ARHGAP28: variants seen among roughly 807,000 people sequenced by gnomAD.
The protein encoded by ARHGAP28 is Rho GTPase activating protein 28, also known as rho GTPase-activating protein 28.
In ARHGAP28, 56 loss-of-function variants were observed where a neutral mutation model predicts 90.7. The observed-to-expected ratio is 0.62, with a 90% CI of 0.50 to 0.77. The LOEUF (loss-of-function observed/expected upper bound fraction) is 0.77. ARHGAP28 is among the 30% of genes least tolerant of loss of function. The pLI, the probability that ARHGAP28 is intolerant of heterozygous loss-of-function variation, is 0.00. For synonymous variants in ARHGAP28, 308 were observed against 323.3 expected (o/e 0.95, Z 0.51); for missense variants, 869 against 900.9 (o/e 0.96, Z 0.45).
chr18:6,893,131 C>T (rs764498069), intron 14 of ARHGAP28, among the ~76,000 whole-genome samples: 3 of 152,208 alleles, frequency 2.0e-5, no homozygotes, highest in Non-Finnish European at 4.4e-5. Flanking sequence ...AAACACTTGC[C>T]TGTAAACGTT....
chr18:6,839,727 G>A (rs1380636567), intron 3 of ARHGAP28, among the ~76,000 whole-genome samples: 7 of 152,162 alleles, frequency 4.6e-5, no homozygotes, highest in African/African-American at 1.7e-4. Flanking sequence ...CTAAATCTTC[G>A]AGATTTATTG....
At chr18:6,875,994 A>C (rs1411787544) in intron 9 of ARHGAP28, 137 bp from the exon 10 acceptor site, 5 of 700,686 alleles carry the variant, frequency 7.1e-6, no homozygotes, top group Non-Finnish European at 1.2e-5. Context: ...GGTTATGAAC[A>C]TTTAACACAG....
rs907612191 is a variant in ARHGAP28 at position 6,914,925 on chromosome 18, A to G, written c.*2771A>G. The G allele has an allele frequency of 6.6e-6, 1 of 152,640 alleles. No individual in the cohort carries two copies. The highest frequency in any genetic ancestry group is 2.4e-5 in the African/African-American group (1 of 41,458). The allele number at this position is 152,640 out of a possible 1,614,324, so 9.5% of individuals were successfully genotyped here. A position where few individuals can be genotyped will look rare whatever the true frequency, so the allele number is the denominator to read the frequency against. ...GATCTCTAAACAAACTGGATTATCAACTATTTACAACGTCTATACAGTATA... is the reference window on the plus strand; with the variant it reads ...GATCTCTAAACAAACTGGATTATCAGCTATTTACAACGTCTATACAGTATA... On this transcript the variant is annotated 3_prime_UTR_variant, in exon 18 of 18. Coordinates refer to ENST00000383472, the MANE Select transcript of ARHGAP28 (RefSeq NM_001366230.1).
chr18:6,815,863 T>A (rs553564453), intron 1 of ARHGAP28, among the ~76,000 whole-genome samples: 2 of 152,276 alleles, frequency 1.3e-5, no homozygotes, highest in South Asian at 4.1e-4. Context: ...TACTCAGAGG[T>A]TATCCATAAA....
intron 5 of ARHGAP28, among the ~76,000 whole-genome samples, chr18:6,863,795 T>A (rs2057016540): frequency 6.6e-6 from 1 of 151,578 alleles, no homozygotes; most frequent in African/African-American, 2.4e-5. Flanking sequence ...AATTTTTTTT[T>A]TTTTTTGACG....
At chr18:6,731,060 A>G (rs1166063281) in intron 1 of ARHGAP28, among the ~76,000 whole-genome samples, 1 of 152,234 alleles carries the variant, frequency 6.6e-6, no homozygotes, top group East Asian at 1.9e-4. Flanking sequence ...TTGGCTAACA[A>G]AGAAAATGTT....
intron 1 of ARHGAP28, among the ~76,000 whole-genome samples, chr18:6,757,291 G>A (rs538667968): frequency 6.6e-6 from 1 of 152,128 alleles, no homozygotes; most frequent in Non-Finnish European, 1.5e-5. Context: ...TTAGACATTC[G>A]CAGAGATATG....
At chr18:6,839,666 G>T (rs1239136171) in intron 3 of ARHGAP28, among the ~76,000 whole-genome samples, 2 of 152,068 alleles carry the variant, frequency 1.3e-5, no homozygotes, top group Non-Finnish European at 2.9e-5. Context: ...CATTTTATTT[G>T]GTGTTTGAAG....
intron 1 of ARHGAP28, among the ~76,000 whole-genome samples, chr18:6,810,024 T>C (rs1449913016): frequency 6.6e-6 from 1 of 152,218 alleles, no homozygotes; most frequent in Non-Finnish European, 1.5e-5. Context: ...CCTTCACCTC[T>C]GAATTAATGG....
intron 10 of ARHGAP28, among the ~76,000 whole-genome samples, chr18:6,879,718 G>T (rs940336920): frequency 1.5e-4 from 23 of 152,240 alleles, no homozygotes; most frequent in African/African-American, 5.5e-4. Flanking sequence ...ACCTGAGAGT[G>T]GGGGAGGGGC....
chr18:6,890,600 A>AG (rs578225484), intron 14 of ARHGAP28, 57 bp downstream of exon 14: 2 of 1,046,066 alleles, frequency 1.9e-6, no homozygotes, highest in East Asian at 2.4e-5. Flanking sequence ...TACTCCTCAA[A>AG]GGGGGGCACA....
rs1294078928 is a variant in ARHGAP28 at position 6,890,041 on chromosome 18, C to T, written c.1690C>T (p.His564Tyr). Residue 564 changes from histidine (H) to tyrosine (Y), a missense_variant, in exon 13 of 18, where the codon CAC becomes TAC. Coordinates refer to ENST00000383472, the MANE Select transcript of ARHGAP28 (RefSeq NM_001366230.1). ...ATTACTGTTAGCAAACACTGCGGCC[C>T]ACATCATCCGCCTAATGCTTAAGTA... ...EELLLANTAA[H>Y]IIRLMLKYQK... is the part of the protein sequence containing the mutation. 6.2e-6 allele frequency: 10 copies of T among 1,614,194 alleles called. No individual in the cohort carries two copies. In the South Asian group the frequency reaches 1.1e-4, roughly 18 times the overall value.
At chr18:6,907,299 T>G (rs2057369298) in intron 16 of ARHGAP28, among the ~76,000 whole-genome samples, 1 of 151,638 alleles carries the variant, frequency 6.6e-6, no homozygotes, top group African/African-American at 2.4e-5. Context: ...GCACTGACAC[T>G]CCTGGGCATT....
intron 1 of ARHGAP28, among the ~76,000 whole-genome samples, chr18:6,772,206 A>G (rs1484768660): frequency 6.6e-6 from 1 of 152,240 alleles, no homozygotes; most frequent in Non-Finnish European, 1.5e-5. Context: ...CATACTAAAT[A>G]TTGTACCTAA....
chr18:6,885,302 A>T (rs747072860), intron 11 of ARHGAP28, among the ~76,000 whole-genome samples: 1 of 152,216 alleles, frequency 6.6e-6, no homozygotes, highest in Non-Finnish European at 1.5e-5. Flanking sequence ...AGCAGGAAAT[A>T]ATGGCCTTTT....
chr18:6,868,287 T>C, intron 6 of ARHGAP28, 53 bp downstream of exon 6: 1 of 1,477,046 alleles, frequency 6.8e-7, no homozygotes, highest in Non-Finnish European at 9.5e-7. Context: ...GCTTTTGTTC[T>C]GGCACTCAAT....
In ARHGAP28 at chr18:6,839,460, A is replaced by G. The variant is rs192204427; in HGVS notation, c.543+2046A>G. Among the ~76,000 whole-genome samples the G allele has an allele frequency of 3.1e-3, 476 of 151,982 alleles. 4 individuals are homozygous for G. Among genetic ancestry groups the G allele is most frequent in the African/African-American group, 0.011 (449 of 41,456 alleles). ...AGGCGCCAGCCACCACGCCTGGCTA[A>G]TTTTGTTTTTCTATTTGTAGTAGAG... On this transcript the variant is annotated intron_variant, in intron 3 of 17. Transcript: ENST00000383472.
intron 2 of ARHGAP28, among the ~76,000 whole-genome samples, chr18:6,832,484 G>A (rs955984786): frequency 2.6e-5 from 4 of 151,986 alleles, no homozygotes; most frequent in Non-Finnish European, 5.9e-5. Context: ...AACAAGTACT[G>A]AGAGAAGTTG....
chr18:6,740,996 T>G (rs2055972299), intron 1 of ARHGAP28, among the ~76,000 whole-genome samples: 1 of 152,194 alleles, frequency 6.6e-6, no homozygotes, highest in South Asian at 2.1e-4. Flanking sequence ...AGGGGAGAAC[T>G]GGCTCCCTGA....
Sources: gnomAD v4.1 joint callset for allele counts (sites outside exome capture counted in the v4.1 genomes callset) on GRCh38, gnomAD v4.1.1 for gene constraint, MANE v1.5 for transcripts, NCBI Gene and HGNC (gene_info 2026-07-23, HGNC 2026-07-21) for gene names.